The following FAM117A variants were observed in gnomAD, a reference collection of about 807,000 sequenced individuals.
The protein encoded by FAM117A is protein FAM117A.
FAM117A carries 21 observed loss-of-function variants against 44.1 expected under a neutral mutation model. The ratio of observed to expected loss-of-function variants is 0.48; its 90% confidence interval spans 0.34 to 0.69. The LOEUF (loss-of-function observed/expected upper bound fraction) is 0.69, where lower values mean the gene tolerates loss of function less well. Ranked by LOEUF, FAM117A falls within the 30% of genes least tolerant of loss-of-function variation. FAM117A has a pLI of 0.01. For missense variants in FAM117A, 498 were observed against 589.9 expected, an observed-to-expected ratio of 0.84 and a Z score of 1.61; for synonymous variants, 220 against 238.3, an observed-to-expected ratio of 0.92 and a Z score of 0.71.
intron 7 of FAM117A, among the ~76,000 whole-genome samples, chr17:49,715,935 G>A (rs1209074616): frequency 6.6e-6 from 1 of 152,200 alleles, no homozygotes; most frequent in South Asian, 2.1e-4. Context: ...CTCCTGCTGC[G>A]CTTGTGGCTG....
intron 2 of FAM117A, among the ~76,000 whole-genome samples, chr17:49,723,214 A>G (rs2073543651): frequency 6.6e-6 from 1 of 151,904 alleles, no homozygotes; most frequent in African/African-American, 2.4e-5. Flanking sequence ...GGAAGGAGAC[A>G]TTTTCAGAAA....
intron 1 of FAM117A, chr17:49,788,447 T>A (rs2073833987): frequency 4.4e-6 from 1 of 227,858 alleles, no homozygotes; most frequent in African/African-American, 2.3e-5. Context: ...CTGTCAGGCT[T>A]CTGCCCCAAA....
intron 1 of FAM117A, among the ~76,000 whole-genome samples, chr17:49,752,328 G>A (rs538089988): frequency 1.3e-5 from 2 of 152,252 alleles, no homozygotes; most frequent in South Asian, 2.1e-4. Flanking sequence ...AGCTAGGAGA[G>A]GGAGACATGC....
chr17:49,729,411 T>C (rs2012322), intron 2 of FAM117A, among the ~76,000 whole-genome samples: 79 of 151,552 alleles, frequency 5.2e-4, no homozygotes, highest in African/African-American at 1.8e-3. Flanking sequence ...TATATTGGTA[T>C]GACTAGAAGA....
chr17:49,786,002 T>C (rs765312530), intron 1 of FAM117A, among the ~76,000 whole-genome samples: 15 of 152,208 alleles, frequency 9.9e-5, no homozygotes, highest in Non-Finnish European at 8.8e-5. Flanking sequence ...GTGATGAACA[T>C]GACTCTCAAA....
chr17:49,724,110 GT>G, intron 2 of FAM117A, among the ~76,000 whole-genome samples: 1 of 152,114 alleles, frequency 6.6e-6, no homozygotes, highest in Non-Finnish European at 1.5e-5. Context: ...CTAAACCAGG[GT>G]TCTACCAGAC....
chr17:49,745,254 T>G (rs1003470792), intron 1 of FAM117A, among the ~76,000 whole-genome samples: 4 of 152,200 alleles, frequency 2.6e-5, no homozygotes, highest in Admixed American at 6.5e-5. Flanking sequence ...AAAAGACAAT[T>G]TTTTGGTTAT....
At position 49,716,257 on chromosome 17, in the gene FAM117A, G is replaced by A. The variant is rs376045336; in HGVS notation, c.969C>T (p.Ala323=). 6.2e-7 allele frequency: 1 copy of A among 1,612,098 alleles called. No homozygotes were observed. The highest frequency in any genetic ancestry group is 1.3e-5 in the African/African-American group (1 of 74,990). ...GATTAGGTCGAGGGGAGGCAGCAAA[G>A]GCAAGGACTGGAGATGGGCTGCCAT... ...LEDGSPSPVL[A]FAASPRPNHS... is the part of the protein sequence containing the mutation. Residue 323 remains alanine (A), a synonymous_variant, in exon 7 of 8, where the codon GCC becomes GCT. Coordinates refer to ENST00000240364, the MANE Select transcript of FAM117A (RefSeq NM_030802.4).
At chr17:49,774,116 A>G (rs2143799384) in intron 1 of FAM117A, among the ~76,000 whole-genome samples, 1 of 152,268 alleles carries the variant, frequency 6.6e-6, no homozygotes, top group South Asian at 2.1e-4. Context: ...TCCACAGCTG[A>G]AAGCAAAGGA....
At position 49,731,143 on chromosome 17, in the gene FAM117A, A is replaced by AAG. The variant is rs2073582923; in HGVS notation, c.366+1406_366+1407dup. ...AAAGAAACTGACATGATGTGGTCAG[A>AAG]AGAGGTACCAAGCACTTTCATGTGT... On this transcript the variant is annotated intron_variant, in intron 2 of 7. Coordinates refer to ENST00000240364, the MANE Select transcript of FAM117A (RefSeq NM_030802.4). Among the ~76,000 whole-genome samples the AAG allele has an allele frequency of 2.6e-5, 4 of 152,380 alleles. No individual in the cohort carries two copies. The South Asian group carries it at 8.3e-4, about 32-fold the overall frequency.
chr17:49,748,805 G>GA (rs2073663699), intron 1 of FAM117A, among the ~76,000 whole-genome samples: 1 of 152,134 alleles, frequency 6.6e-6, no homozygotes, highest in Admixed American at 6.5e-5. Context: ...ACAGCTGGGG[G>GA]AAAACATCAG....
At chr17:49,777,455 A>G (rs1248967297) in intron 1 of FAM117A, among the ~76,000 whole-genome samples, 1 of 152,094 alleles carries the variant, frequency 6.6e-6, no homozygotes, top group Admixed American at 6.5e-5. Flanking sequence ...TATGAGACCT[A>G]TGGAACTGGC....
At chr17:49,720,170 A>T in intron 4 of FAM117A, 156 bp downstream of exon 4, 1 of 685,172 alleles carries the variant, frequency 1.5e-6, no homozygotes, top group Non-Finnish European at 2.4e-6. Context: ...AAGCCCTTCC[A>T]ATATCACACA....
chr17:49,760,508 GC>G (rs751343536), intron 1 of FAM117A, among the ~76,000 whole-genome samples: 1 of 151,982 alleles, frequency 6.6e-6, no homozygotes, highest in South Asian at 2.1e-4. Context: ...ACAAAAATAG[GC>G]CCAGGGCCAG....
At chr17:49,753,347 G>T (rs2073684785) in intron 1 of FAM117A, among the ~76,000 whole-genome samples, 1 of 152,158 alleles carries the variant, frequency 6.6e-6, no homozygotes, top group African/African-American at 2.4e-5. Context: ...TAAGCAAAAG[G>T]GGTTTATTAG....
intron 1 of FAM117A, among the ~76,000 whole-genome samples, chr17:49,762,411 C>T (rs1341141015): frequency 6.6e-6 from 1 of 152,206 alleles, no homozygotes; most frequent in Non-Finnish European, 1.5e-5. Flanking sequence ...TCTAAACATA[C>T]TTTTACTACT....
chr17:49,734,168 A>C (rs1485776926), intron 1 of FAM117A, among the ~76,000 whole-genome samples: 1 of 151,880 alleles, frequency 6.6e-6, no homozygotes, highest in Non-Finnish European at 1.5e-5. Context: ...AAGACCTATA[A>C]AGGCTGTTGC....
At chr17:49,744,253 A>T (rs549047821) in intron 1 of FAM117A, among the ~76,000 whole-genome samples, 12 of 152,214 alleles carry the variant, frequency 7.9e-5, no homozygotes, top group African/African-American at 2.9e-4. Context: ...TGACCTATGC[A>T]CATCCTCCCG....
chr17:49,785,542 G>A (rs1247477086), intron 1 of FAM117A, among the ~76,000 whole-genome samples: 2 of 152,026 alleles, frequency 1.3e-5, no homozygotes, highest in Non-Finnish European at 2.9e-5. Flanking sequence ...ACAAAAACTT[G>A]TCCAAGAGTA....
Sources: allele counts gnomAD v4.1 joint callset (sites outside exome capture counted in the v4.1 genomes callset), GRCh38; gene constraint gnomAD v4.1.1; transcripts MANE v1.5; gene names NCBI Gene and HGNC (gene_info 2026-07-23, HGNC 2026-07-21).